Variants in PCBP3 observed in about 807,000 individuals in gnomAD.
The protein encoded by PCBP3 is poly(rC) binding protein 3, also known as poly(rC)-binding protein 3.
Under a neutral mutation model 52.7 loss-of-function variants are expected in PCBP3, and 25 were observed. The observed-to-expected ratio is 0.47, with a 90% CI of 0.35 to 0.66. The LOEUF (loss-of-function observed/expected upper bound fraction) is 0.66, where lower values mean the gene tolerates loss of function less well. PCBP3 is among the 30% of genes least tolerant of loss of function. The pLI, the probability that PCBP3 is intolerant of heterozygous loss-of-function variation, is 0.01. For synonymous variants in PCBP3, 162 were observed against 183.0 expected (o/e 0.89, Z 0.93); for missense variants, 391 against 490.3 (o/e 0.80, Z 1.91).
At position 45,735,683 on chromosome 21, in the gene PCBP3, C is replaced by G. The variant is rs1039833378; in HGVS notation, c.-162+254C>G. On this transcript the variant is annotated intron_variant, in intron 3 of 17. Coordinates refer to ENST00000681687, the MANE Select transcript of PCBP3 (RefSeq NM_001384156.1). This position sits in a 1 kb window ranked among gnomAD's most constrained non-coding sequence, Gnocchi z 4.0. ...AATTTTAAAAGAGGCAGTTTCCTCC[C>G]TCTCTGGTAACCTTTCTCCACAGTT... 6.6e-6 allele frequency among the ~76,000 whole-genome samples: 1 copy of G among 152,210 alleles called. No homozygotes were observed. Among genetic ancestry groups the G allele is most frequent in the Non-Finnish European group, 1.5e-5 (1 of 68,026 alleles).
chr21:45,909,629 T>C (rs1319624306), intron 10 of PCBP3, 143 bp downstream of exon 10: 2 of 752,716 alleles, frequency 2.7e-6, no homozygotes, highest in East Asian at 2.8e-5. Context: ...CAGCTCAAAG[T>C]GCGAGACAGG....
At chr21:45,897,784 G>A (rs2095869604) in intron 6 of PCBP3, among the ~76,000 whole-genome samples, 2 of 152,016 alleles carry the variant, frequency 1.3e-5, no homozygotes, top group Non-Finnish European at 2.9e-5. Context: ...GGCTGCTGTG[G>A]GTCCCGAGCT....
At chr21:45,847,310 A>G (rs1446054614) in intron 4 of PCBP3, among the ~76,000 whole-genome samples, 1 of 151,586 alleles carries the variant, frequency 6.6e-6, no homozygotes, top group Non-Finnish European at 1.5e-5. Context: ...TTTCTGATTC[A>G]TCTACCTCTG....
intron 2 of PCBP3, among the ~76,000 whole-genome samples, chr21:45,716,317 A>G (rs950514524): frequency 1.3e-5 from 2 of 152,176 alleles, no homozygotes; most frequent in African/African-American, 2.4e-5. Flanking sequence ...TTCCATATCT[A>G]TATATGGGGA....
intron 4 of PCBP3, among the ~76,000 whole-genome samples, chr21:45,840,421 C>G (rs1178177457): frequency 7.0e-6 from 1 of 142,944 alleles, no homozygotes; most frequent in Non-Finnish European, 1.5e-5. Flanking sequence ...TGCGCCACTG[C>G]ACTCCAGCCT....
intron 3 of PCBP3, among the ~76,000 whole-genome samples, chr21:45,744,860 G>C (rs1036085937): frequency 7.2e-5 from 11 of 152,048 alleles, no homozygotes; most frequent in African/African-American, 2.7e-4. Context: ...TTAATTTCTT[G>C]GTAGTCCTGT....
chr21:45,694,929 T>TC (rs1422745986), intron 2 of PCBP3, among the ~76,000 whole-genome samples: 6 of 152,216 alleles, frequency 3.9e-5, no homozygotes, highest in African/African-American at 1.2e-4. Flanking sequence ...TTCAGCAATT[T>TC]GTTTTTTTTA....
At chr21:45,831,586 C>A (rs1315614916) in intron 4 of PCBP3, among the ~76,000 whole-genome samples, 1 of 152,100 alleles carries the variant, frequency 6.6e-6, no homozygotes, top group African/African-American at 2.4e-5. Flanking sequence ...GTATTCCATA[C>A]ACTGGAAAGC....
rs138057046 is a variant in PCBP3 at position 45,809,036 on chromosome 21, T to C, written c.-125-40925T>C. ...GAAGAACATCACACACCAGGGCCTG[T>C]TGGGGGGTGGGGGGCTAGGCAAGGG... On this transcript the variant is annotated intron_variant, in intron 4 of 17. Coordinates refer to ENST00000681687, the MANE Select transcript of PCBP3 (RefSeq NM_001384156.1). Among the ~76,000 whole-genome samples the C allele has an allele frequency of 3.6e-3, 540 of 151,460 alleles. 2 individuals are homozygous for C. The highest frequency in any genetic ancestry group is 0.012 in the African/African-American group (483 of 41,326).
intron 4 of PCBP3, among the ~76,000 whole-genome samples, chr21:45,842,653 C>G (rs895394786): frequency 6.6e-6 from 1 of 152,200 alleles, no homozygotes; most frequent in Non-Finnish European, 1.5e-5. Flanking sequence ...TTATGATAGT[C>G]TGAATCTTAC....
intron 3 of PCBP3, among the ~76,000 whole-genome samples, chr21:45,738,608 T>C (rs893952675): frequency 2.6e-5 from 4 of 152,182 alleles, no homozygotes; most frequent in African/African-American, 9.7e-5. Context: ...CTGAAAAATA[T>C]GAAAAACAAT....
intron 4 of PCBP3, among the ~76,000 whole-genome samples, chr21:45,814,637 GGTGA>G (rs1215476824): frequency 1.5e-5 from 2 of 129,974 alleles, no homozygotes; most frequent in Admixed American, 7.4e-5. Flanking sequence ...AGTGGTGAGT[GGTGA>G]GTGAGTGGTG....
At chr21:45,766,399 A>G (rs532079284) in intron 4 of PCBP3, among the ~76,000 whole-genome samples, 1 of 152,310 alleles carries the variant, frequency 6.6e-6, no homozygotes, top group African/African-American at 2.4e-5. Flanking sequence ...TGAGAGGACT[A>G]TGGCCTTGTA....
intron 4 of PCBP3, among the ~76,000 whole-genome samples, chr21:45,807,307 A>G (rs2092538250): frequency 6.6e-6 from 1 of 152,210 alleles, no homozygotes; most frequent in Non-Finnish European, 1.5e-5. Flanking sequence ...TCAGCCCAAA[A>G]TCTCCTTAAG....
chr21:45,862,014 C>T (rs1010317219), intron 5 of PCBP3, among the ~76,000 whole-genome samples: 8 of 152,222 alleles, frequency 5.3e-5, no homozygotes, highest in Non-Finnish European at 8.8e-5. Context: ...CCCCTGGAGG[C>T]CACGAACGCT....
intron 5 of PCBP3, among the ~76,000 whole-genome samples, chr21:45,855,133 C>T (rs781003977): frequency 1.3e-5 from 2 of 152,220 alleles, no homozygotes; most frequent in Non-Finnish European, 2.9e-5. Context: ...GAGCCTTCCT[C>T]TCCAAGTCTG....
rs1002668242 is a variant in PCBP3, at chr21:45,736,124, A to G, written c.-162+695A>G. Among the ~76,000 whole-genome samples, 79 of 152,374 alleles carry G rather than the reference A, an allele frequency of 5.2e-4. No individual in the cohort carries two copies. Among genetic ancestry groups the G allele is most frequent in the African/African-American group, 1.7e-3 (71 of 41,588 alleles). ...TATTTGCAGTTCTGCATGGAAAACT[A>G]ATGGAGTCATGATGGCTGCTGATGC... On this transcript the variant is annotated intron_variant, in intron 3 of 17. Transcript: ENST00000681687. This position sits in a 1 kb window ranked among gnomAD's most constrained non-coding sequence, Gnocchi z 4.6.
intron 5 of PCBP3, among the ~76,000 whole-genome samples, chr21:45,876,057 T>C (rs2095248598): frequency 1.3e-5 from 2 of 152,206 alleles, no homozygotes; most frequent in Admixed American, 1.3e-4. Context: ...AGGATGTCCC[T>C]GCTGCGTTCA....
chr21:45,911,997 A>G (rs2096404533), intron 11 of PCBP3, among the ~76,000 whole-genome samples: 3 of 152,262 alleles, frequency 2.0e-5, no homozygotes, highest in Admixed American at 2.0e-4. Flanking sequence ...GCCGAGGCTC[A>G]GGAGCAGCCA....
Sources: gnomAD v4.1 joint callset for allele counts (sites outside exome capture counted in the v4.1 genomes callset) on GRCh38, gnomAD v4.1.1 for gene constraint, Gnocchi (gnomAD v3.1) non-coding constraint, MANE v1.5 for transcripts, NCBI Gene and HGNC (gene_info 2026-07-23, HGNC 2026-07-21) for gene names.